The following TMEM170B variants were observed in gnomAD, a reference collection of about 807,000 sequenced individuals.
The protein encoded by TMEM170B is transmembrane protein 170B.
A neutral mutation model predicts 13.0 loss-of-function variants in TMEM170B; 6 were observed. The ratio of observed to expected loss-of-function variants is 0.46; its 90% CI spans 0.25 to 0.91. The LOEUF (loss-of-function observed/expected upper bound fraction) is 0.91. TMEM170B is among the 40% of genes least tolerant of loss of function. The pLI, the probability that TMEM170B is intolerant of heterozygous loss-of-function variation, is 0.17. For synonymous variants in TMEM170B, 61 were observed against 64.9 expected (o/e 0.94, Z 0.29); for missense variants, 138 against 165.2 (o/e 0.84, Z 0.90).
chr6:11,557,658 A>G (rs573998421), intron 1 of TMEM170B, among the ~76,000 whole-genome samples: 9 of 152,322 alleles, frequency 5.9e-5, no homozygotes, highest in African/African-American at 1.9e-4. Flanking sequence ...CAGTGTTTGA[A>G]CAGTATGGTA....
rs887749687 is a variant in TMEM170B, at chr6:11,575,709, G to C, written c.*148G>C. 16 of 937,484 alleles carry C rather than the reference G, an allele frequency of 1.7e-5. No individual in the cohort carries two copies. The Admixed American group carries it at 3.9e-4, about 23-fold the overall frequency. 58.1% of individuals were successfully genotyped at this position (937,484 alleles called of 1,614,324 possible). ...AGGAAGACCTTGAGCTGTGTGGAAG[G>C]ATTGCCCTCTGGTGTTCAAGTGATT... On this transcript the variant is annotated 3_prime_UTR_variant, in exon 3 of 3. Transcript: ENST00000379426. This position sits in a 1 kb window ranked among gnomAD's most constrained non-coding sequence, Gnocchi z 4.1.
intron 1 of TMEM170B, among the ~76,000 whole-genome samples, chr6:11,545,165 C>G (rs910784117): frequency 4.6e-5 from 7 of 151,914 alleles, no homozygotes; most frequent in African/African-American, 1.7e-4. Flanking sequence ...GCTGGTCTCT[C>G]TGTGTCAGCA....
chr6:11,567,353 A>ACCG (rs1759748149), intron 2 of TMEM170B, among the ~76,000 whole-genome samples: 1 of 152,206 alleles, frequency 6.6e-6, no homozygotes, highest in Non-Finnish European at 1.5e-5. Flanking sequence ...GGGGCAGCTC[A>ACCG]CTGCTACCAC....
chr6:11,560,818 A>G (rs2113774549), intron 1 of TMEM170B, among the ~76,000 whole-genome samples: 1 of 152,366 alleles, frequency 6.6e-6, no homozygotes, highest in South Asian at 2.1e-4. Context: ...AATATGTACC[A>G]TTCTTTGACT....
rs1215968978 is a variant in TMEM170B at position 11,577,241 on chromosome 6, T to TAGGA, written c.*1680_*1681insAGGA. 2.6e-5 allele frequency: 4 copies of TAGGA among 152,034 alleles called. No individual in the cohort carries two copies. The highest frequency in any genetic ancestry group is 9.7e-5 in the African/African-American group (4 of 41,434). 9.4% of individuals were successfully genotyped at this position (152,034 alleles called of 1,614,324 possible). A position where few individuals can be genotyped will look rare whatever the true frequency, so the allele number is the denominator to read the frequency against. On this transcript the variant is annotated 3_prime_UTR_variant, in exon 3 of 3. Coordinates refer to ENST00000379426, the MANE Select transcript of TMEM170B (RefSeq NM_001100829.3). ...TCAGTATGGAAGCCAATTTGGGAGA[T>TAGGA]TTACTAACACTGGCTTGGAAATTTG...
At chr6:11,560,992 T>C (rs1446514473) in intron 1 of TMEM170B, among the ~76,000 whole-genome samples, 1 of 152,170 alleles carries the variant, frequency 6.6e-6, no homozygotes, top group Admixed American at 6.5e-5. Context: ...TAGTATTGTT[T>C]GGAGGCTGGA....
intron 1 of TMEM170B, among the ~76,000 whole-genome samples, chr6:11,564,678 A>C (rs1759712652): frequency 6.6e-6 from 1 of 152,244 alleles, no homozygotes; most frequent in African/African-American, 2.4e-5. Context: ...GGCCTTAGAA[A>C]TAACTCATTA....
chr6:11,548,378 A>G (rs6932324), intron 1 of TMEM170B, among the ~76,000 whole-genome samples: 74,501 of 152,012 alleles, frequency 0.49, 19,191 homozygotes, highest in Admixed American at 0.62. Flanking sequence ...ACAATGAGAT[A>G]CCATCCCACA....
intron 1 of TMEM170B, among the ~76,000 whole-genome samples, chr6:11,558,170 A>G (rs1336976228): frequency 6.6e-6 from 1 of 152,194 alleles, no homozygotes; most frequent in Non-Finnish European, 1.5e-5. Flanking sequence ...AAAAGGAGAT[A>G]TGATTCTATA....
At chr6:11,538,405 A>T in intron 1 of TMEM170B, 31 bp downstream of exon 1, 1 of 1,447,512 alleles carries the variant, frequency 6.9e-7, no homozygotes. Flanking sequence ...GGGGACGGGG[A>T]TGCGGTCCGC....
rs1759860317 is a variant in TMEM170B, at chr6:11,575,335, G to A, written c.269-96G>A. On this transcript the variant is annotated intron_variant, in intron 2 of 2. Coordinates refer to ENST00000379426, the MANE Select transcript of TMEM170B (RefSeq NM_001100829.3). The surrounding 1 kb of genome is among the most constrained non-coding windows in gnomAD (Gnocchi z 4.1). ...AAATGAGAAAAAAATGATGACTTAT[G>A]TTTTGATGAAATGAAAAGAGCTCTT... 1 of 1,461,318 alleles carries A rather than the reference G, an allele frequency of 6.8e-7. No individual in the cohort carries two copies. Among genetic ancestry groups the A allele is most frequent in the African/African-American group, 1.4e-5 (1 of 70,770 alleles). 90.5% of individuals were successfully genotyped at this position (1,461,318 alleles called of 1,614,324 possible). A position where few individuals can be genotyped will look rare whatever the true frequency, so the allele number is the denominator to read the frequency against.
At chr6:11,571,312 A>G (rs531903113) in intron 2 of TMEM170B, among the ~76,000 whole-genome samples, 1 of 152,138 alleles carries the variant, frequency 6.6e-6, no homozygotes, top group East Asian at 1.9e-4. Flanking sequence ...CAGCCTCCTG[A>G]GTCGCTAGGA....
rs1331461413 is a variant in TMEM170B, at chr6:11,580,702, TA to T, written c.*5146del. The T allele has an allele frequency of 2.0e-5, 3 of 152,340 alleles. No homozygotes were observed. In the East Asian group the frequency reaches 5.8e-4, roughly 29 times the overall value. The allele number at this position is 152,340 out of a possible 1,614,324, so 9.4% of individuals were successfully genotyped here. ...CATCTTGGAAGAAGACTCTTCAGGATAAAAAGGATATTATTTGATTAAAAAT... is the reference window on the plus strand; with the variant it reads ...CATCTTGGAAGAAGACTCTTCAGGATAAAAGGATATTATTTGATTAAAAAT... On this transcript the variant is annotated 3_prime_UTR_variant, in exon 3 of 3. Coordinates refer to ENST00000379426, the MANE Select transcript of TMEM170B (RefSeq NM_001100829.3).
rs1235744343 is a variant in TMEM170B at position 11,576,633 on chromosome 6, CAAGT to C, written c.*1077_*1080del. 2 of 152,028 alleles carry C rather than the reference CAAGT, an allele frequency of 1.3e-5. No homozygotes were observed. Among genetic ancestry groups the C allele is most frequent in the Non-Finnish European group, 2.9e-5 (2 of 67,972 alleles). 9.4% of individuals were successfully genotyped at this position (152,028 alleles called of 1,614,324 possible). A position where few individuals can be genotyped will look rare whatever the true frequency, so the allele number is the denominator to read the frequency against. ...AGACCTCATTTGTAGAAATAAGTAA[CAAGT>C]AAGTTATATAGGAAGAGTAATGAAC... On this transcript the variant is annotated 3_prime_UTR_variant, in exon 3 of 3. Coordinates refer to ENST00000379426, the MANE Select transcript of TMEM170B (RefSeq NM_001100829.3).
chr6:11,557,239 T>C (rs1404859484), intron 1 of TMEM170B, among the ~76,000 whole-genome samples: 1 of 152,250 alleles, frequency 6.6e-6, no homozygotes, highest in African/African-American at 2.4e-5. Flanking sequence ...TGTATAATTT[T>C]ATCTTTTTCT....
intron 1 of TMEM170B, among the ~76,000 whole-genome samples, chr6:11,555,207 C>T (rs1470722081): frequency 6.6e-6 from 1 of 151,842 alleles, no homozygotes; most frequent in Non-Finnish European, 1.5e-5. Flanking sequence ...TTAAAGATGT[C>T]ACTCTATTGT....
chr6:11,572,769 C>A lies in TMEM170B; in HGVS notation c.269-2662C>A, dbSNP rs1376423004. ...CCGCCAGATATTTGTTGATGCATTA[C>A]ATTCATTCATACATATTTACATACA... On this transcript the variant is annotated intron_variant, in intron 2 of 2. Coordinates refer to ENST00000379426, the MANE Select transcript of TMEM170B (RefSeq NM_001100829.3). Among the ~76,000 whole-genome samples, 2 of 152,036 alleles carry A rather than the reference C, an allele frequency of 1.3e-5. 1 individual carries two copies. Among genetic ancestry groups the A allele is most frequent in the Non-Finnish European group, 2.9e-5 (2 of 68,000 alleles).
intron 2 of TMEM170B, among the ~76,000 whole-genome samples, chr6:11,569,144 G>A (rs1483551208): frequency 6.6e-6 from 1 of 151,686 alleles, no homozygotes; most frequent in Non-Finnish European, 1.5e-5. Context: ...GTTTTCTTTT[G>A]GTATTCTTGT....
chr6:11,548,435 G>A (rs1160632280), intron 1 of TMEM170B, among the ~76,000 whole-genome samples: 4 of 152,170 alleles, frequency 2.6e-5, no homozygotes, highest in Admixed American at 2.6e-4. Context: ...AACAGGTGCT[G>A]GAGAGGATGT....
Sources: gnomAD v4.1 joint callset for allele counts (sites outside exome capture counted in the v4.1 genomes callset) on GRCh38, gnomAD v4.1.1 for gene constraint, Gnocchi (gnomAD v3.1) non-coding constraint, MANE v1.5 for transcripts, NCBI Gene and HGNC (gene_info 2026-07-23, HGNC 2026-07-21) for gene names.